Variants in SPATA13 observed in about 807,000 individuals in gnomAD.
SPATA13 encodes spermatogenesis associated 13, also known as spermatogenesis-associated protein 13.
Under a neutral mutation model 104.0 loss-of-function variants are expected in SPATA13, and 50 were observed. The observed-to-expected ratio is 0.48, with a 90% CI of 0.38 to 0.61. The LOEUF is 0.61. Among genes scored for constraint, SPATA13 ranks in the 20% least tolerant of loss-of-function variants. SPATA13 has a pLI of 0.00. For synonymous variants in SPATA13, 606 were observed against 667.5 expected (o/e 0.91, Z 1.42); for missense variants, 1,524 against 1,690.6 (o/e 0.90, Z 1.73).
At chr13:24,148,810 A>G (rs2138467846) in intron 3 of SPATA13, among the ~76,000 whole-genome samples, 1 of 152,334 alleles carries the variant, frequency 6.6e-6, no homozygotes, top group Admixed American at 6.5e-5. Context: ...AGAGATCTGG[A>G]AAGCTTGAGG....
intron 1 of SPATA13, among the ~76,000 whole-genome samples, chr13:24,169,487 G>A (rs150722269): frequency 1.4e-3 from 214 of 152,214 alleles, no homozygotes; most frequent in African/African-American, 5.1e-3. Flanking sequence ...TCTGACTGCT[G>A]TCCTCACTGA....
At chr13:24,071,030 A>G (rs1879143790) in intron 3 of SPATA13, among the ~76,000 whole-genome samples, 2 of 152,122 alleles carry the variant, frequency 1.3e-5, no homozygotes, top group Admixed American at 6.5e-5. Context: ...ATATCTGTGT[A>G]TATATTCTGT....
intron 3 of SPATA13, among the ~76,000 whole-genome samples, chr13:24,042,474 T>G (rs1480847168): frequency 6.6e-6 from 1 of 152,208 alleles, no homozygotes; most frequent in Non-Finnish European, 1.5e-5. Flanking sequence ...GTGAAGCCAT[T>G]GGTGCCGATC....
chr13:24,015,547 G>A (rs146427586), intron 2 of SPATA13, among the ~76,000 whole-genome samples: 101 of 152,324 alleles, frequency 6.6e-4, no homozygotes, highest in African/African-American at 2.3e-3. Context: ...GTTGTGAGCT[G>A]AGTCAGGCCT....
At chr13:24,083,027 A>G (rs1879593342) in intron 3 of SPATA13, among the ~76,000 whole-genome samples, 1 of 152,214 alleles carries the variant, frequency 6.6e-6, no homozygotes, top group South Asian at 2.1e-4. Flanking sequence ...GAATAGCCCA[A>G]GCCTTCTATG....
chr13:24,299,156 C>T (rs1043904450), intron 11 of SPATA13, among the ~76,000 whole-genome samples: 3 of 152,336 alleles, frequency 2.0e-5, no homozygotes, highest in Middle Eastern at 3.4e-3. Flanking sequence ...CGTTGTCTAG[C>T]GCAGGCCCTG....
intron 1 of SPATA13, among the ~76,000 whole-genome samples, chr13:24,209,687 T>C (rs561539325): frequency 6.6e-6 from 1 of 152,346 alleles, no homozygotes; most frequent in East Asian, 1.9e-4. Flanking sequence ...CTTAGGTCAA[T>C]TGCGTATCTT....
intron 3 of SPATA13, among the ~76,000 whole-genome samples, chr13:24,019,407 GA>G (rs1445273954): frequency 6.6e-6 from 1 of 152,134 alleles, no homozygotes; most frequent in East Asian, 1.9e-4. Context: ...ATTTATAAAA[GA>G]AAAACAGTAT....
chr13:24,241,725 C>G (rs1173007241), intron 2 of SPATA13, among the ~76,000 whole-genome samples: 1 of 152,232 alleles, frequency 6.6e-6, no homozygotes, highest in Non-Finnish European at 1.5e-5. Flanking sequence ...CCATTGAGGG[C>G]TATGAAAGCA....
intron 3 of SPATA13, among the ~76,000 whole-genome samples, chr13:24,087,654 C>T (rs1879776661): frequency 6.6e-6 from 1 of 152,122 alleles, no homozygotes. Context: ...GCTGAAATAC[C>T]CCTGCCATGG....
intron 2 of SPATA13, among the ~76,000 whole-genome samples, chr13:23,997,835 T>A (rs1875768198): frequency 6.6e-6 from 1 of 152,098 alleles, no homozygotes; most frequent in Admixed American, 6.5e-5. Flanking sequence ...ACCAAGCCAC[T>A]CATGAGGGAT....
chr13:24,207,963 G>A (rs1158219769), intron 1 of SPATA13, among the ~76,000 whole-genome samples: 2 of 152,174 alleles, frequency 1.3e-5, no homozygotes, highest in African/African-American at 4.8e-5. Flanking sequence ...AGAATATCTG[G>A]CGTATAGACA....
chr13:24,121,761 C>A (rs1881036471), intron 3 of SPATA13, among the ~76,000 whole-genome samples: 1 of 152,118 alleles, frequency 6.6e-6, no homozygotes, highest in South Asian at 2.1e-4. Context: ...CATGACATCC[C>A]CTCGTGTTTC....
intron 4 of SPATA13, among the ~76,000 whole-genome samples, chr13:24,271,187 G>A (rs1050712429): frequency 5.3e-5 from 8 of 152,018 alleles, no homozygotes; most frequent in Admixed American, 2.0e-4. Flanking sequence ...TTTGTTTATG[G>A]CACAGTTGCT....
chr13:24,291,663 G>A (rs543152511), intron 9 of SPATA13, among the ~76,000 whole-genome samples: 1 of 152,140 alleles, frequency 6.6e-6, no homozygotes, highest in East Asian at 1.9e-4. Flanking sequence ...AGCTCTTCTT[G>A]TTACTCACAC....
intron 3 of SPATA13, among the ~76,000 whole-genome samples, chr13:24,110,037 G>A (rs952528581): frequency 1.3e-5 from 2 of 148,362 alleles, no homozygotes; most frequent in Non-Finnish European, 3.0e-5. Context: ...TTTTAGAATT[G>A]CAAATTTGGC....
chr13:24,199,889 TATA>T (rs1273625162), intron 1 of SPATA13, among the ~76,000 whole-genome samples: 1 of 152,226 alleles, frequency 6.6e-6, no homozygotes, highest in Non-Finnish European at 1.5e-5. Context: ...GAATACTTAT[TATA>T]ATAATAATAT....
chr13:24,246,510 A>T (rs1044291180), intron 2 of SPATA13, among the ~76,000 whole-genome samples: 3 of 152,182 alleles, frequency 2.0e-5, no homozygotes, highest in African/African-American at 7.2e-5. Flanking sequence ...AGACATGTTT[A>T]TTCACATGCC....
At chr13:24,245,133 A>G (rs1873046447) in intron 2 of SPATA13, among the ~76,000 whole-genome samples, 1 of 152,220 alleles carries the variant, frequency 6.6e-6, no homozygotes, top group South Asian at 2.1e-4. Context: ...GGGCCCCGGC[A>G]GCCCACGCCG....
Sources: allele counts gnomAD v4.1 joint callset (sites outside exome capture counted in the v4.1 genomes callset), GRCh38; gene constraint gnomAD v4.1.1; transcripts MANE v1.5; gene names NCBI Gene and HGNC (gene_info 2026-07-23, HGNC 2026-07-21).